Variants in SDCCAG8 observed in about 807,000 individuals in gnomAD.
SDCCAG8 encodes the protein serologically defined colon cancer antigen 8.
In SDCCAG8, 74 loss-of-function variants were observed where a neutral mutation model predicts 101.8. The observed-to-expected ratio is 0.73, with a 90% CI of 0.60 to 0.88. The LOEUF is 0.88. Ranked by LOEUF, SDCCAG8 falls within the 40% of genes least tolerant of loss-of-function variation. The pLI, the probability that SDCCAG8 is intolerant of heterozygous loss-of-function variation, is 0.00. For synonymous variants in SDCCAG8, 281 were observed against 292.9 expected, an observed-to-expected ratio of 0.96 and a Z score of 0.41; for missense variants, 787 against 822.6, an observed-to-expected ratio of 0.96 and a Z score of 0.53.
chr1:243,321,557 G>T (rs2073757834), intron 9 of SDCCAG8, among the ~76,000 whole-genome samples: 1 of 152,184 alleles, frequency 6.6e-6, no homozygotes, highest in Admixed American at 6.5e-5. Flanking sequence ...CAAAGCACAT[G>T]ATTTCATTCT....
chr1:243,412,471 G>C lies in SDCCAG8; in HGVS notation c.1617-3231G>C, dbSNP rs147903176. Among the ~76,000 whole-genome samples, 387 of 152,308 alleles carry C rather than the reference G, an allele frequency of 2.5e-3. 2 individuals are homozygous for C. The highest frequency in any genetic ancestry group is 8.8e-3 in the African/African-American group (364 of 41,578). ...GGCCGCATTCAAAACCATCCAGGCCGCAAGCAGAGTAAGCTGTCCAACTGG... is the reference window on the plus strand; with the variant it reads ...GGCCGCATTCAAAACCATCCAGGCCCCAAGCAGAGTAAGCTGTCCAACTGG... On this transcript the variant is annotated intron_variant, in intron 13 of 17. Coordinates refer to ENST00000366541, the MANE Select transcript of SDCCAG8 (RefSeq NM_006642.5).
chr1:243,498,455 G>A (rs1470967234), intron 17 of SDCCAG8, among the ~76,000 whole-genome samples: 2 of 152,150 alleles, frequency 1.3e-5, no homozygotes, highest in East Asian at 1.9e-4. Flanking sequence ...GGTTTACGAG[G>A]AGGAGTGAGG....
At chr1:243,395,242 A>G (rs759892628) in intron 13 of SDCCAG8, among the ~76,000 whole-genome samples, 7 of 152,218 alleles carry the variant, frequency 4.6e-5, no homozygotes, top group Non-Finnish European at 7.3e-5. Context: ...AGCAGCCTCT[A>G]TTAAACTAGC....
chr1:243,345,378 A>G (rs954886337), intron 12 of SDCCAG8, among the ~76,000 whole-genome samples: 2 of 152,164 alleles, frequency 1.3e-5, no homozygotes, highest in Non-Finnish European at 2.9e-5. Context: ...TTGTACCACT[A>G]TATTTGGTGT....
intron 12 of SDCCAG8, among the ~76,000 whole-genome samples, chr1:243,352,368 A>C (rs1443436188): frequency 6.6e-6 from 1 of 152,214 alleles, no homozygotes; most frequent in African/African-American, 2.4e-5. Flanking sequence ...AATGTTTGCT[A>C]TATTTTCAGT....
intron 5 of SDCCAG8, among the ~76,000 whole-genome samples, 169 bp from the exon 6 acceptor site, chr1:243,292,922 G>A (rs2070417267): frequency 6.6e-6 from 1 of 152,174 alleles, no homozygotes; most frequent in African/African-American, 2.4e-5. Flanking sequence ...TGCAACACTT[G>A]TAGAATATGA....
intron 16 of SDCCAG8, among the ~76,000 whole-genome samples, chr1:243,451,210 C>T (rs2083329454): frequency 6.6e-6 from 1 of 152,212 alleles, no homozygotes; most frequent in Non-Finnish European, 1.5e-5. Flanking sequence ...TCAGTTTGTA[C>T]ATAGAGCTCA....
chr1:243,488,869 CAGCCAG>C (rs1392267648), intron 16 of SDCCAG8, 139 bp from the exon 17 acceptor site: 1 of 1,114,906 alleles, frequency 9.0e-7, no homozygotes, highest in Non-Finnish European at 1.3e-6. Context: ...GACCTAGTGC[CAGCCAG>C]AGCCTGGCAC....
chr1:243,466,241 G>C (rs1325286857), intron 16 of SDCCAG8, among the ~76,000 whole-genome samples: 1 of 152,214 alleles, frequency 6.6e-6, no homozygotes, highest in Non-Finnish European at 1.5e-5. Flanking sequence ...TTTGATATAT[G>C]TGATCTTCTA....
chr1:243,353,723 A>G (rs956509832), intron 12 of SDCCAG8, among the ~76,000 whole-genome samples: 2 of 151,998 alleles, frequency 1.3e-5, no homozygotes. Flanking sequence ...CTCATAGAAA[A>G]TGGGTTTTAG....
intron 16 of SDCCAG8, among the ~76,000 whole-genome samples, chr1:243,471,613 T>TG (rs1329803261): frequency 6.6e-6 from 1 of 152,054 alleles, no homozygotes; most frequent in Non-Finnish European, 1.5e-5. Context: ...TATCAGGGGT[T>TG]GGGGGGTGGA....
At chr1:243,282,599 A>G (rs773115617) in intron 4 of SDCCAG8, among the ~76,000 whole-genome samples, 6 of 152,150 alleles carry the variant, frequency 3.9e-5, no homozygotes, top group Non-Finnish European at 5.9e-5. Context: ...CAAGGCATAT[A>G]TGCTAGCAAT....
intron 13 of SDCCAG8, among the ~76,000 whole-genome samples, chr1:243,399,220 G>A (rs1164872001): frequency 1.3e-5 from 2 of 152,152 alleles, no homozygotes; most frequent in Non-Finnish European, 2.9e-5. Flanking sequence ...CGGTGGTTGA[G>A]TGACAGCAAA....
At chr1:243,362,445 A>G (rs1302979887) in intron 12 of SDCCAG8, among the ~76,000 whole-genome samples, 1 of 152,258 alleles carries the variant, frequency 6.6e-6, no homozygotes, top group Non-Finnish European at 1.5e-5. Context: ...TCATTTTACT[A>G]CCCACTACCC....
At chr1:243,407,224 T>A (rs1482344393) in intron 13 of SDCCAG8, among the ~76,000 whole-genome samples, 1 of 152,218 alleles carries the variant, frequency 6.6e-6, no homozygotes, top group Non-Finnish European at 1.5e-5. Flanking sequence ...TGTGAGGCAG[T>A]GCCATGGAAT....
intron 16 of SDCCAG8, among the ~76,000 whole-genome samples, chr1:243,451,240 TA>T (rs932073219): frequency 6.6e-6 from 1 of 152,204 alleles, no homozygotes; most frequent in Admixed American, 6.5e-5. Context: ...TGAGTTTCCC[TA>T]AAGATTTCAT....
At chr1:243,372,897 C>CATATCTATATCTATATCTATATCT (rs71981276) in intron 12 of SDCCAG8, among the ~76,000 whole-genome samples, 2 of 138,494 alleles carry the variant, frequency 1.4e-5, no homozygotes, top group Admixed American at 7.3e-5. Context: ...ACTTGGGAAC[C>CATATCTATATCTATATCTATATCT]ATATCTATAT....
rs536293466 is a variant in SDCCAG8 at position 243,394,260 on chromosome 1, C to T, written c.1616+15397C>T. ...ATAACATAGCCATATGCTATTTATGCAGCAGTTTCTGCAATAAATCTAATT... is the reference window on the plus strand; with the variant it reads ...ATAACATAGCCATATGCTATTTATGTAGCAGTTTCTGCAATAAATCTAATT... On this transcript the variant is annotated intron_variant, in intron 13 of 17. Transcript: ENST00000366541. 3.9e-5 allele frequency among the ~76,000 whole-genome samples: 6 copies of T among 152,290 alleles called. No individual in the cohort carries two copies. The South Asian group carries it at 1.0e-3, about 26-fold the overall frequency.
At chr1:243,301,388 C>T (rs966943067) in intron 6 of SDCCAG8, among the ~76,000 whole-genome samples, 1 of 152,086 alleles carries the variant, frequency 6.6e-6, no homozygotes, top group African/African-American at 2.4e-5. Flanking sequence ...ATGTTTGGTG[C>T]AATACTGTAA....
Sources: allele counts gnomAD v4.1 joint callset (sites outside exome capture counted in the v4.1 genomes callset), GRCh38; gene constraint gnomAD v4.1.1; transcripts MANE v1.5; gene names NCBI Gene and HGNC (gene_info 2026-07-23, HGNC 2026-07-21).